The following CALN1 variants were observed in gnomAD, a reference collection of about 807,000 sequenced individuals.
The protein encoded by CALN1 is calneuron 1, also known as calcium-binding protein 8.
In CALN1, 17 loss-of-function variants were observed where a neutral mutation model predicts 30.6. The ratio of observed to expected loss-of-function variants is 0.56; its 90% CI spans 0.38 to 0.83. The LOEUF is 0.83. CALN1 is among the 40% of genes least tolerant of loss of function. The pLI, the probability that CALN1 is intolerant of heterozygous loss-of-function variation, is 0.00. For missense variants in CALN1, 291 were observed against 354.9 expected (o/e 0.82, Z 1.45); for synonymous variants, 156 against 131.4 (o/e 1.19, Z -1.28).
chr7:71,863,377 G>A (rs562311882), intron 5 of CALN1, among the ~76,000 whole-genome samples: 2 of 151,866 alleles, frequency 1.3e-5, no homozygotes, highest in South Asian at 4.2e-4. Context: ...GGCCAACATG[G>A]TGAAACCTCG....
intron 5 of CALN1, among the ~76,000 whole-genome samples, chr7:71,921,420 A>G (rs979008610): frequency 6.6e-6 from 1 of 152,230 alleles, no homozygotes; most frequent in Non-Finnish European, 1.5e-5. Flanking sequence ...GCATTCTAGC[A>G]GAATTTCTTT....
intron 3 of CALN1, among the ~76,000 whole-genome samples, chr7:72,208,701 A>G (rs1196260563): frequency 6.6e-6 from 1 of 152,224 alleles, no homozygotes; most frequent in Non-Finnish European, 1.5e-5. Flanking sequence ...TGGGAAAACA[A>G]CTATTTTTAA....
At chr7:72,436,237 G>A (rs906743472) in intron 1 of CALN1, among the ~76,000 whole-genome samples, 3 of 152,196 alleles carry the variant, frequency 2.0e-5, no homozygotes, top group East Asian at 1.9e-4. Flanking sequence ...TCCTGGGAGG[G>A]ACCCCATGGG....
intron 4 of CALN1, among the ~76,000 whole-genome samples, chr7:72,074,749 G>C (rs549426458): frequency 6.6e-6 from 1 of 152,192 alleles, no homozygotes; most frequent in South Asian, 2.1e-4. Context: ...ATCAGATTCA[G>C]TGCCCTGACA....
chr7:71,988,154 T>TTG (rs1798772032), intron 5 of CALN1, among the ~76,000 whole-genome samples: 3 of 152,322 alleles, frequency 2.0e-5, no homozygotes, highest in African/African-American at 7.2e-5. Context: ...GATACAGTAC[T>TTG]TGTCATGTGT....
chr7:71,797,607 G>T (rs903617363), intron 6 of CALN1, among the ~76,000 whole-genome samples: 2 of 152,064 alleles, frequency 1.3e-5, no homozygotes, highest in Non-Finnish European at 2.9e-5. Context: ...GCTGGGAGCT[G>T]GTCCCTTCTC....
At chr7:72,486,881 C>G in the CALN1 span, among the ~76,000 whole-genome samples, 2 of 152,108 alleles carry the variant, frequency 1.3e-5, no homozygotes, top group African/African-American at 4.8e-5. Flanking sequence ...TTATTTTCAT[C>G]AGGTACTTTA....
At chr7:71,852,818 A>T (rs1179039320) in intron 5 of CALN1, among the ~76,000 whole-genome samples, 1 of 152,156 alleles carries the variant, frequency 6.6e-6, no homozygotes, top group Non-Finnish European at 1.5e-5. Flanking sequence ...ATGATGTTGT[A>T]CGTCTTTATA....
chr7:71,922,445 ATATT>A (rs937645671), intron 5 of CALN1, among the ~76,000 whole-genome samples: 9 of 146,748 alleles, frequency 6.1e-5, no homozygotes, highest in African/African-American at 1.2e-4. Context: ...ATATATAATT[ATATT>A]TATTTATATT....
At chr7:71,903,364 C>G (rs1793964772) in intron 5 of CALN1, among the ~76,000 whole-genome samples, 1 of 151,924 alleles carries the variant, frequency 6.6e-6, no homozygotes, top group African/African-American at 2.4e-5. Flanking sequence ...CACATAGACC[C>G]AAGGAACAGA....
At chr7:72,126,444 G>A (rs1024917668) in intron 3 of CALN1, among the ~76,000 whole-genome samples, 15 of 152,246 alleles carry the variant, frequency 9.9e-5, no homozygotes, top group South Asian at 4.1e-4. Context: ...ACATGTGTGC[G>A]CATGTGTCTT....
chr7:72,015,556 C>T lies in CALN1; in HGVS notation c.501+8101G>A, dbSNP rs567872820. Among the ~76,000 whole-genome samples, 4 of 152,202 alleles carry T rather than the reference C, an allele frequency of 2.6e-5. No homozygotes were observed. The South Asian group carries it at 8.3e-4, about 32-fold the overall frequency. ...CTGGATTCCGACAATGTCCTCACCT[C>T]AGCCTCCAGAATAACTGGGACTACA... On this transcript the variant is annotated intron_variant, in intron 5 of 6. Transcript: ENST00000395275.
At chr7:72,165,667 A>G (rs2129545099) in intron 3 of CALN1, among the ~76,000 whole-genome samples, 1 of 152,268 alleles carries the variant, frequency 6.6e-6, no homozygotes, top group African/African-American at 2.4e-5. Flanking sequence ...AATTTTAAAA[A>G]TGGAGCCTAA....
At position 71,940,535 on chromosome 7, in the gene CALN1, T is replaced by C. The variant is rs150948368; in HGVS notation, c.501+83122A>G. Among the ~76,000 whole-genome samples the C allele has an allele frequency of 5.8e-3, 885 of 152,346 alleles. 8 individuals are homozygous for C. Among genetic ancestry groups the C allele is most frequent in the African/African-American group, 0.02 (818 of 41,584 alleles). On this transcript the variant is annotated intron_variant, in intron 5 of 6. Transcript: ENST00000395275. ...CTCAAGTCTTAGTTGTCTTGTTTAC[T>C]TTCCAATACCATGAAACAGCTGTTC...
At chr7:72,130,331 G>T (rs1250681560) in intron 3 of CALN1, among the ~76,000 whole-genome samples, 1 of 152,146 alleles carries the variant, frequency 6.6e-6, no homozygotes, top group Non-Finnish European at 1.5e-5. Context: ...TCCTGATGTG[G>T]AATGACCTGC....
intron 3 of CALN1, among the ~76,000 whole-genome samples, chr7:72,131,589 C>A (rs372271611): frequency 7.9e-5 from 12 of 152,260 alleles, no homozygotes; most frequent in African/African-American, 2.6e-4. Context: ...TTCAAGAAAC[C>A]CAACACATGG....
intron 5 of CALN1, among the ~76,000 whole-genome samples, chr7:71,924,260 CAGATCTTTTTAAAAAAGATTAG>C (rs1795142202): frequency 6.8e-6 from 1 of 147,676 alleles, no homozygotes; most frequent in Non-Finnish European, 1.5e-5. Context: ...ATTAGGATTT[CAGATCTTTTTAAAAAAGATTAG>C]GATTTCAGAT....
chr7:72,012,124 G>T (rs142538188), intron 5 of CALN1, among the ~76,000 whole-genome samples: 2 of 152,180 alleles, frequency 1.3e-5, no homozygotes, highest in African/African-American at 2.4e-5. Context: ...AATGTGACCA[G>T]TGATTTTTCT....
chr7:72,133,537 G>A (rs1186551993), intron 3 of CALN1, among the ~76,000 whole-genome samples: 1 of 152,214 alleles, frequency 6.6e-6, no homozygotes. Flanking sequence ...AGTAATAACT[G>A]ATTCAGGCAA....
Sources: gnomAD v4.1 joint callset for allele counts (sites outside exome capture counted in the v4.1 genomes callset) on GRCh38, gnomAD v4.1.1 for gene constraint, MANE v1.5 for transcripts, NCBI Gene and HGNC (gene_info 2026-07-23, HGNC 2026-07-21) for gene names.